RELN: variants seen among roughly 807,000 people sequenced by gnomAD.
The protein encoded by RELN is reelin.
In RELN, 108 loss-of-function variants were observed where a neutral mutation model predicts 427.6. That is an observed-to-expected ratio of 0.25 (90% confidence interval 0.22 to 0.30). The LOEUF (loss-of-function observed/expected upper bound fraction) is 0.30. Ranked by LOEUF, RELN falls within the 10% of genes least tolerant of loss-of-function variation. The probability of loss-of-function intolerance (pLI) is 1.00; values close to 1 mark genes in which losing one functional copy is unlikely to be tolerated. For missense variants in RELN, 3,715 were observed against 4,302.8 expected, an observed-to-expected ratio of 0.86 and a Z score of 3.82; for synonymous variants, 1,524 against 1,513.4, an observed-to-expected ratio of 1.01 and a Z score of -0.16.
At chr7:103,692,760 C>A (rs192487471) in intron 10 of RELN, among the ~76,000 whole-genome samples, 1 of 151,954 alleles carries the variant, frequency 6.6e-6, no homozygotes, top group Non-Finnish European at 1.5e-5. Context: ...TTTGAATGAC[C>A]AGTGGAAAAA....
intron 2 of RELN, among the ~76,000 whole-genome samples, chr7:103,861,418 C>T (rs1794068919): frequency 6.6e-6 from 1 of 152,066 alleles, no homozygotes. Flanking sequence ...AGAGCCTATG[C>T]TATGAATCAC....
At chr7:103,662,066 G>A (rs1045798976) in intron 11 of RELN, among the ~76,000 whole-genome samples, 3 of 152,124 alleles carry the variant, frequency 2.0e-5, no homozygotes, top group Non-Finnish European at 4.4e-5. Flanking sequence ...AAAATAGCTG[G>A]CTTTTATTGA....
At chr7:103,799,209 C>G (rs2116303908) in intron 3 of RELN, among the ~76,000 whole-genome samples, 1 of 152,184 alleles carries the variant, frequency 6.6e-6, no homozygotes, top group African/African-American at 2.4e-5. Flanking sequence ...CTTTGTACTT[C>G]CAGGTCTCTT....
chr7:103,743,514 A>G (rs1234067775), intron 6 of RELN, among the ~76,000 whole-genome samples: 1 of 152,198 alleles, frequency 6.6e-6, no homozygotes, highest in Admixed American at 6.5e-5. Flanking sequence ...TATTCAGGAA[A>G]CCCATCTCAC....
chr7:103,684,614 G>A (rs929596233), intron 10 of RELN, among the ~76,000 whole-genome samples: 1 of 152,272 alleles, frequency 6.6e-6, no homozygotes, highest in African/African-American at 2.4e-5. Flanking sequence ...ATTAGAAAGC[G>A]TGTTGAAATA....
At chr7:103,890,403 T>G (rs963889330) in intron 2 of RELN, among the ~76,000 whole-genome samples, 1 of 152,028 alleles carries the variant, frequency 6.6e-6, no homozygotes, top group Non-Finnish European at 1.5e-5. Flanking sequence ...GGAGGTAAGG[T>G]GAACAGCCTG....
chr7:103,677,765 CAAAAAAAAAAAAAAAA>C (rs60678229), intron 11 of RELN, among the ~76,000 whole-genome samples: 2 of 56,042 alleles, frequency 3.6e-5, no homozygotes, highest in East Asian at 1.2e-3. Context: ...GAATCTGTCT[CAAAAAAAAAAAAAAAA>C]AAAAAAAAAA....
chr7:103,963,138 T>TTTTTTTC (rs1796595816), intron 1 of RELN, among the ~76,000 whole-genome samples: 1 of 150,420 alleles, frequency 6.6e-6, no homozygotes, highest in African/African-American at 2.5e-5. Flanking sequence ...CGCCTTCTTT[T>TTTTTTTC]TTTTTTCTCA....
chr7:103,581,400 T>A (rs1318862778), intron 28 of RELN, among the ~76,000 whole-genome samples: 1 of 152,182 alleles, frequency 6.6e-6, no homozygotes, highest in Admixed American at 6.5e-5. Flanking sequence ...GTAGATTACC[T>A]GTCTTTACAG....
chr7:103,675,692 A>G (rs908119841), intron 11 of RELN, among the ~76,000 whole-genome samples: 2 of 152,232 alleles, frequency 1.3e-5, no homozygotes, highest in African/African-American at 4.8e-5. Flanking sequence ...AAACAGAGAT[A>G]TAGACCAATG....
intron 8 of RELN, among the ~76,000 whole-genome samples, chr7:103,719,342 G>C (rs1198676280): frequency 6.6e-6 from 1 of 152,036 alleles, no homozygotes; most frequent in East Asian, 1.9e-4. Flanking sequence ...TTGGGTTGTT[G>C]GCAGGGATTC....
intron 1 of RELN, among the ~76,000 whole-genome samples, chr7:103,927,238 C>T (rs980582369): frequency 3.3e-5 from 5 of 152,048 alleles, no homozygotes; most frequent in South Asian, 2.1e-4. Flanking sequence ...AAGTGCCACT[C>T]GATACTGAGA....
At chr7:103,851,162 G>C (rs771112242) in intron 2 of RELN, among the ~76,000 whole-genome samples, 1 of 152,190 alleles carries the variant, frequency 6.6e-6, no homozygotes, top group Non-Finnish European at 1.5e-5. Flanking sequence ...CCATAATAAG[G>C]AATGAACTAA....
intron 62 of RELN, 135 bp downstream of exon 62, chr7:103,483,518 C>T: frequency 1.1e-6 from 1 of 909,798 alleles, no homozygotes; most frequent in Non-Finnish European, 1.8e-6. Flanking sequence ...CTGGGTTAGT[C>T]TTCGTTCTGC....
chr7:103,628,732 T>A (rs1832384532), intron 20 of RELN, among the ~76,000 whole-genome samples: 1 of 152,222 alleles, frequency 6.6e-6, no homozygotes, highest in African/African-American at 2.4e-5. Context: ...GGAATTAAAT[T>A]GGTCTGACCA....
chr7:103,505,926 G>A (rs1829194228), intron 51 of RELN, among the ~76,000 whole-genome samples: 1 of 152,180 alleles, frequency 6.6e-6, no homozygotes, highest in Non-Finnish European at 1.5e-5. Context: ...AACACAGCAC[G>A]AGAACTTCGT....
intron 20 of RELN, among the ~76,000 whole-genome samples, chr7:103,624,300 C>T (rs1832280493): frequency 6.6e-6 from 1 of 152,184 alleles, no homozygotes; most frequent in Non-Finnish European, 1.5e-5. Context: ...CTTCATTTTA[C>T]ACCTCTAGCT....
intron 1 of RELN, among the ~76,000 whole-genome samples, chr7:103,922,222 A>T (rs1795630649): frequency 6.6e-6 from 1 of 152,218 alleles, no homozygotes; most frequent in Non-Finnish European, 1.5e-5. Flanking sequence ...ACAAAAAAAT[A>T]AAAAATAATG....
Position 103,777,026 on chromosome 7 carries a change from A to G in RELN, c.474-399T>C, listed in dbSNP as rs111705170. ...GCTCTTAAGTTACTTTTTTTCTGAA[A>G]TCAATAGTCACCGTAACTTATAGAG... On this transcript the variant is annotated intron_variant, in intron 3 of 64. Coordinates refer to ENST00000428762, the MANE Select transcript of RELN (RefSeq NM_005045.4). 6.3e-3 allele frequency among the ~76,000 whole-genome samples: 961 copies of G among 152,264 alleles called. 7 individuals carry two copies. Among genetic ancestry groups the G allele is most frequent in the African/African-American group, 0.022 (899 of 41,542 alleles).
Sources: gnomAD v4.1 joint callset for allele counts (sites outside exome capture counted in the v4.1 genomes callset) on GRCh38, gnomAD v4.1.1 for gene constraint, MANE v1.5 for transcripts, NCBI Gene and HGNC (gene_info 2026-07-23, HGNC 2026-07-21) for gene names.